Variants in SMAD6 observed in about 807,000 individuals in gnomAD.
SMAD6 encodes MAD homolog 6.
Under a neutral mutation model 39.4 loss-of-function variants are expected in SMAD6, and 103 were observed. The observed-to-expected ratio is 2.62, with a 90% CI of 2.23 to 3.08. The LOEUF (loss-of-function observed/expected upper bound fraction) is 3.08, where lower values mean the gene tolerates loss of function less well. Ranked by LOEUF, SMAD6 falls within the 30% of genes most tolerant of loss-of-function variation. The pLI is 0.00. For missense variants in SMAD6, 1,104 were observed against 742.9 expected, an observed-to-expected ratio of 1.49 and a Z score of -5.65; for synonymous variants, 445 against 353.3, an observed-to-expected ratio of 1.26 and a Z score of -2.91.
At chr15:66,746,514 G>A (rs73471529) in intron 3 of SMAD6, among the ~76,000 whole-genome samples, 3,897 of 152,194 alleles carry the variant, frequency 0.026, 188 homozygotes, top group African/African-American at 0.088. Flanking sequence ...CTAGGGGGGT[G>A]GGGGGTCCTG....
intron 3 of SMAD6, among the ~76,000 whole-genome samples, chr15:66,750,619 T>A (rs556777280): frequency 1.1e-5 from 1 of 92,454 alleles, no homozygotes; most frequent in Admixed American, 1.3e-4. Context: ...AGTGCCCGGT[T>A]TATTGAGGCG....
intron 1 of SMAD6, chr15:66,708,704 A>G (rs1595761094): frequency 2.1e-6 from 1 of 471,202 alleles, no homozygotes; most frequent in Non-Finnish European, 4.4e-6. Flanking sequence ...TATGAAATGA[A>G]ATGTCCAGAA....
At chr15:66,729,818 T>G (rs1893593163) in intron 3 of SMAD6, among the ~76,000 whole-genome samples, 1 of 152,038 alleles carries the variant, frequency 6.6e-6, no homozygotes, top group Non-Finnish European at 1.5e-5. Context: ...GACATTGAAG[T>G]CTGGAGAGTG....
chr15:66,705,777 T>A (rs1335062293), intron 1 of SMAD6: 2 of 152,310 alleles, frequency 1.3e-5, no homozygotes, highest in African/African-American at 4.9e-5. Context: ...GGGGGAGAGA[T>A]GGGGGAAGAA....
At position 66,781,055 on chromosome 15, in the gene SMAD6, G is replaced by C; in HGVS notation, c.1011G>C (p.Trp337Cys). Residue 337 changes from tryptophan to cysteine, a missense_variant, in exon 4 of 4, where the codon TGG becomes TGC. Trp to Cys is a radical substitution (Grantham distance 215, BLOSUM62 -2). Coordinates refer to ENST00000288840, the MANE Select transcript of SMAD6 (RefSeq NM_005585.5). Reference sequence around the variant, plus strand: ...GCCACTGGTGCAGCGTGGCGTACTGGGAGCACCGGACGCGCGTGGGCCGCC... The same window carrying C: ...GCCACTGGTGCAGCGTGGCGTACTGCGAGCACCGGACGCGCGTGGGCCGCC... Reference protein sequence around the residue: ...KPSHWCSVAYWEHRTRVGRLY... With the variant: ...KPSHWCSVAYCEHRTRVGRLY... 6.2e-7 allele frequency: 1 copy of C among 1,602,934 alleles called. No homozygotes were observed. The highest frequency in any genetic ancestry group is 8.5e-7 in the Non-Finnish European group (1 of 1,178,378).
chr15:66,750,464 G>A lies in SMAD6; in HGVS notation c.953-30533G>A, dbSNP rs564613565. 9.2e-5 allele frequency among the ~76,000 whole-genome samples: 14 copies of A among 152,300 alleles called. No homozygotes were observed. In the East Asian group the frequency reaches 2.7e-3, roughly 29 times the overall value. ...GGGAACATCCTCTGAGCCCAGCCCT[G>A]TACCTGGTGTGGGGTACAAAGCAGA... On this transcript the variant is annotated intron_variant, in intron 3 of 3. Transcript: ENST00000288840.
In SMAD6 at chr15:66,781,406, C is replaced by G. The variant is rs749785381; in HGVS notation, c.1362C>G (p.Ala454=). The G allele has an allele frequency of 6.2e-7, 1 of 1,603,438 alleles. No homozygotes were observed. Among genetic ancestry groups the G allele is most frequent in the Admixed American group, 1.7e-5 (1 of 59,830 alleles). The change falls in exon 4 of 4, where the codon GCC becomes GCG. Residue 454 remains alanine, a synonymous_variant. Transcript: ENST00000288840. ...TGCAGCACGCGCCCGAGCCCGACGC[C>G]GCCGACGGCCCCTACGACCCCAACA... ...SGLQHAPEPD[A]ADGPYDPNSV...
chr15:66,725,484 C>G (rs191002362), intron 3 of SMAD6, among the ~76,000 whole-genome samples: 3 of 152,346 alleles, frequency 2.0e-5, no homozygotes, highest in Admixed American at 2.0e-4. Context: ...CAAGGTGAAT[C>G]ATTGCCAAGA....
intron 3 of SMAD6, among the ~76,000 whole-genome samples, chr15:66,755,260 TTC>T (rs1178138352): frequency 6.6e-6 from 1 of 152,192 alleles, no homozygotes; most frequent in Non-Finnish European, 1.5e-5. Flanking sequence ...CAGCAGAAAT[TTC>T]TGTTTGTTCA....
At chr15:66,774,908 C>T (rs1016153323) in intron 3 of SMAD6, among the ~76,000 whole-genome samples, 3 of 151,624 alleles carry the variant, frequency 2.0e-5, no homozygotes, top group African/African-American at 7.3e-5. Context: ...GTTGCCCAGG[C>T]TGGAGTGCAG....
rs1425838706 is a variant in SMAD6, at chr15:66,781,367, C to T, written c.1323C>T (p.Phe441=). 2 of 1,600,078 alleles carry T rather than the reference C, an allele frequency of 1.2e-6. No homozygotes were observed. The highest frequency in any genetic ancestry group is 1.7e-6 in the Non-Finnish European group (2 of 1,176,016). Residue 441 remains phenylalanine (F), a synonymous_variant, in exon 4 of 4, where the codon TTC becomes TTT. Transcript: ENST00000288840. ...PPGYSIKVFD[F]ERSGLQHAPE... is the part of the protein sequence containing the mutation. Reference sequence around the variant, plus strand: ...GCTACTCCATCAAGGTGTTCGACTTCGAGCGCTCGGGCCTGCAGCACGCGC... The same window carrying T: ...GCTACTCCATCAAGGTGTTCGACTTTGAGCGCTCGGGCCTGCAGCACGCGC...
Position 66,782,642 on chromosome 15 carries a change from A to G in SMAD6, c.*1107A>G, listed in dbSNP as rs980112978. 1 of 152,224 alleles carries G rather than the reference A, an allele frequency of 6.6e-6. No homozygotes were observed. Among genetic ancestry groups the G allele is most frequent in the Admixed American group, 6.5e-5 (1 of 15,290 alleles). 9.4% of individuals were successfully genotyped at this position (152,224 alleles called of 1,614,324 possible). A position where few individuals can be genotyped will look rare whatever the true frequency, so the allele number is the denominator to read the frequency against. On this transcript the variant is annotated 3_prime_UTR_variant, in exon 4 of 4. Coordinates refer to ENST00000288840, the MANE Select transcript of SMAD6 (RefSeq NM_005585.5). ...CTCATGAGACAAAATCAAGGTTAGA[A>G]GTTACATGGAATTGTAGGACCAGAG...
chr15:66,774,330 C>T (rs2140672927), intron 3 of SMAD6, among the ~76,000 whole-genome samples: 1 of 152,338 alleles, frequency 6.6e-6, no homozygotes, highest in South Asian at 2.1e-4. Flanking sequence ...CCGCCTCCCT[C>T]AGACTGCAGT....
At chr15:66,775,585 C>T (rs1894453020) in intron 3 of SMAD6, among the ~76,000 whole-genome samples, 3 of 152,118 alleles carry the variant, frequency 2.0e-5, no homozygotes, top group Admixed American at 2.0e-4. Flanking sequence ...GCCACTCTGC[C>T]AGATCCACCC....
chr15:66,730,227 AG>A (rs1419125819), intron 3 of SMAD6, among the ~76,000 whole-genome samples: 1 of 152,208 alleles, frequency 6.6e-6, no homozygotes, highest in East Asian at 1.9e-4. Flanking sequence ...ATGGAGGGAT[AG>A]GCTGGGTCAT....
intron 3 of SMAD6, among the ~76,000 whole-genome samples, chr15:66,757,433 G>A (rs577698810): frequency 2.1e-4 from 32 of 152,260 alleles, no homozygotes; most frequent in African/African-American, 5.8e-4. Flanking sequence ...AGGAGACAGC[G>A]GACACATTAT....
At chr15:66,716,291 G>A (rs1391221567) in intron 2 of SMAD6, 130 bp from the exon 3 acceptor site, 1 of 690,542 alleles carries the variant, frequency 1.4e-6, no homozygotes, top group Non-Finnish European at 2.6e-6. Flanking sequence ...AGAAAGTTGG[G>A]AGGGACATGC....
intron 3 of SMAD6, among the ~76,000 whole-genome samples, chr15:66,763,335 C>G (rs1369143102): frequency 2.6e-5 from 4 of 152,234 alleles, no homozygotes; most frequent in African/African-American, 9.6e-5. Context: ...CTGGGTCTCC[C>G]TGGCATGGCT....
rs376454788 is a variant in SMAD6 at position 66,721,095 on chromosome 15, C to A, written c.952+4597C>A. ...GCGCAGATCATTTTGTAGATTGTTGCATTGTGTAAGTTGGCAGAGTTTGGG... is the reference window on the plus strand; with the variant it reads ...GCGCAGATCATTTTGTAGATTGTTGAATTGTGTAAGTTGGCAGAGTTTGGG... On this transcript the variant is annotated intron_variant, in intron 3 of 3. Coordinates refer to ENST00000288840, the MANE Select transcript of SMAD6 (RefSeq NM_005585.5). Among the ~76,000 whole-genome samples the A allele has an allele frequency of 3.9e-5, 6 of 152,122 alleles. No individual in the cohort carries two copies. In the South Asian group the frequency reaches 1.0e-3, roughly 26 times the overall value.
Sources: gnomAD v4.1 joint callset for allele counts (sites outside exome capture counted in the v4.1 genomes callset) on GRCh38, gnomAD v4.1.1 for gene constraint, MANE v1.5 for transcripts, NCBI Gene and HGNC (gene_info 2026-07-23, HGNC 2026-07-21) for gene names.